KIAA1217: variants seen among roughly 807,000 people sequenced by gnomAD.
KIAA1217 encodes the protein sickle tail protein homolog.
Under a neutral mutation model 163.9 loss-of-function variants are expected in KIAA1217, and 88 were observed. The ratio of observed to expected loss-of-function variants is 0.54; its 90% CI spans 0.45 to 0.64. KIAA1217 has a LOEUF of 0.64. Ranked by LOEUF, KIAA1217 falls within the 30% of genes least tolerant of loss-of-function variation. KIAA1217 has a pLI of 0.00. For synonymous variants in KIAA1217, 903 were observed against 923.1 expected (o/e 0.98, Z 0.39); for missense variants, 2,372 against 2,475.0 (o/e 0.96, Z 0.88).
chr10:24,305,692 A>G (rs1207930978), intron 2 of KIAA1217, among the ~76,000 whole-genome samples: 1 of 152,206 alleles, frequency 6.6e-6, no homozygotes, highest in East Asian at 1.9e-4. Context: ...GGATTACAAC[A>G]TCTACTTGGA....
intron 9 of KIAA1217, among the ~76,000 whole-genome samples, chr10:24,508,746 C>T (rs1433226007): frequency 1.3e-5 from 2 of 152,186 alleles, no homozygotes; most frequent in Non-Finnish European, 2.9e-5. Context: ...AACTCAGCAA[C>T]AGGGCTGGAT....
intron 1 of KIAA1217, among the ~76,000 whole-genome samples, chr10:23,724,161 C>T (rs1364891691): frequency 6.6e-6 from 1 of 152,202 alleles, no homozygotes; most frequent in Non-Finnish European, 1.5e-5. Context: ...GATCCAATCA[C>T]TTCTCACCAG....
intron 1 of KIAA1217, among the ~76,000 whole-genome samples, chr10:23,754,871 T>A (rs543016368): frequency 3.3e-5 from 5 of 151,904 alleles, no homozygotes; most frequent in Non-Finnish European, 7.4e-5. Flanking sequence ...GACTTGCTAA[T>A]TTTTTTCCAT....
intron 1 of KIAA1217, among the ~76,000 whole-genome samples, chr10:23,959,890 A>G (rs536788410): frequency 6.6e-6 from 1 of 150,868 alleles, no homozygotes; most frequent in Non-Finnish European, 1.5e-5. Flanking sequence ...GACCTACTTC[A>G]GAGAGGAAGG....
intron 1 of KIAA1217, among the ~76,000 whole-genome samples, chr10:23,810,960 TATAG>T (rs1216983686): frequency 8.5e-6 from 1 of 117,754 alleles, no homozygotes; most frequent in African/African-American, 3.6e-5. Context: ...ATATAATATA[TATAG>T]TATATATTAT....
At chr10:23,995,457 T>C (rs1028762893) in intron 1 of KIAA1217, among the ~76,000 whole-genome samples, 4 of 100,720 alleles carry the variant, frequency 4.0e-5, no homozygotes, top group African/African-American at 6.0e-5. Context: ...GGCCTGTGTG[T>C]GTGTGTGTGT....
intron 12 of KIAA1217, 136 bp from the exon 13 acceptor site, chr10:24,524,187 A>G (rs2071742702): frequency 1.2e-6 from 1 of 804,214 alleles, no homozygotes. Context: ...GGATATGTCT[A>G]TACATGTCCC....
At chr10:24,197,572 G>C (rs1367662982) in intron 2 of KIAA1217, among the ~76,000 whole-genome samples, 3 of 152,208 alleles carry the variant, frequency 2.0e-5, no homozygotes, top group African/African-American at 7.2e-5. Flanking sequence ...CAGCAGTCTG[G>C]AGCATCTCCC....
intron 2 of KIAA1217, among the ~76,000 whole-genome samples, chr10:24,233,623 C>G (rs2071760140): frequency 6.6e-6 from 1 of 152,158 alleles, no homozygotes. Flanking sequence ...TAGATGTGAT[C>G]AGAGAGTGCA....
At chr10:24,291,935 C>T (rs561334400) in intron 2 of KIAA1217, among the ~76,000 whole-genome samples, 1 of 152,076 alleles carries the variant, frequency 6.6e-6, no homozygotes, top group Non-Finnish European at 1.5e-5. Flanking sequence ...AAATAGGTGG[C>T]CCCTACCCTT....
At chr10:24,157,642 A>G (rs1201940681) in intron 2 of KIAA1217, among the ~76,000 whole-genome samples, 1 of 152,194 alleles carries the variant, frequency 6.6e-6, no homozygotes, top group African/African-American at 2.4e-5. Context: ...AGAAGATACA[A>G]GGATGGCAAA....
chr10:24,034,026 G>T (rs1006917411), intron 2 of KIAA1217, among the ~76,000 whole-genome samples: 1 of 152,248 alleles, frequency 6.6e-6, no homozygotes, highest in African/African-American at 2.4e-5. Context: ...AAGCCAGGAT[G>T]AAGTAGGACA....
chr10:24,138,405 C>G lies in KIAA1217; in HGVS notation c.-170-81221C>G, dbSNP rs548982907. Among the ~76,000 whole-genome samples the G allele has an allele frequency of 3.3e-5, 5 of 152,310 alleles. No homozygotes were observed. The East Asian group carries it at 7.7e-4, about 23-fold the overall frequency. On this transcript the variant is annotated intron_variant, in intron 2 of 18. Transcript: ENST00000376462. The stretch of plus-strand genomic sequence containing the variant: ...TTCAGCAATCCTCCTGTTTCAGCCT[C>G]CCAGAGTGCTGTGATTACAGGCATG...
chr10:24,386,568 T>C (rs2130667815), intron 3 of KIAA1217, among the ~76,000 whole-genome samples: 1 of 41,080 alleles, frequency 2.4e-5, no homozygotes. Flanking sequence ...ATCTATTTTA[T>C]TTATTTATTT....
chr10:23,789,549 T>C (rs553103377), intron 1 of KIAA1217, among the ~76,000 whole-genome samples: 75 of 152,242 alleles, frequency 4.9e-4, no homozygotes, highest in African/African-American at 1.7e-3. Flanking sequence ...TCACAGGGTA[T>C]TAATGAGGAT....
chr10:24,008,956 C>T (rs536558277), intron 2 of KIAA1217, among the ~76,000 whole-genome samples: 3 of 152,276 alleles, frequency 2.0e-5, no homozygotes, highest in East Asian at 1.9e-4. Flanking sequence ...GAATGCCTTG[C>T]GCTTTAGCGT....
chr10:24,030,137 G>C (rs1339837981), intron 2 of KIAA1217, among the ~76,000 whole-genome samples: 2 of 152,142 alleles, frequency 1.3e-5, no homozygotes, highest in Non-Finnish European at 1.5e-5. Flanking sequence ...TTATCATTGT[G>C]ATAAAATAGG....
intron 4 of KIAA1217, among the ~76,000 whole-genome samples, chr10:24,436,973 G>T (rs368331291): frequency 1.3e-5 from 2 of 152,184 alleles, no homozygotes; most frequent in East Asian, 3.9e-4. Flanking sequence ...GGAGAGTTCA[G>T]GTCAGAATAT....
intron 2 of KIAA1217, among the ~76,000 whole-genome samples, chr10:24,052,724 T>C (rs541821337): frequency 1.3e-5 from 2 of 152,290 alleles, no homozygotes; most frequent in East Asian, 3.9e-4. Context: ...TGAAAGAGTA[T>C]GTGATTACCT....
Sources: allele counts gnomAD v4.1 joint callset (sites outside exome capture counted in the v4.1 genomes callset), GRCh38; gene constraint gnomAD v4.1.1; transcripts MANE v1.5; gene names NCBI Gene and HGNC (gene_info 2026-07-23, HGNC 2026-07-21).